ALOXE3: variants seen among roughly 807,000 people sequenced by gnomAD.
The protein encoded by ALOXE3 is hydroperoxide isomerase ALOXE3.
ALOXE3 carries 78 observed loss-of-function variants against 87.5 expected under a neutral mutation model. That is an observed-to-expected ratio of 0.89 (90% confidence interval 0.74 to 1.08). ALOXE3 has a LOEUF of 1.08. Ranked by LOEUF, ALOXE3 falls within the 50% of genes least tolerant of loss-of-function variation. The pLI, the probability that ALOXE3 is intolerant of heterozygous loss-of-function variation, is 0.00. For missense variants in ALOXE3, 946 were observed against 912.4 expected, an observed-to-expected ratio of 1.04 and a Z score of -0.47; for synonymous variants, 363 against 370.8, an observed-to-expected ratio of 0.98 and a Z score of 0.24.
rs552547223 is a variant in ALOXE3, at chr17:8,103,313, G to A, written c.1956+10C>T. ...AGAACCCTACTCCCCTCAACATCCC[G>A]TATACACACCTGGTCCTTGGGTTCT... On this transcript the variant is annotated intron_variant, in intron 15 of 15. Coordinates refer to ENST00000448843, the MANE Select transcript of ALOXE3 (RefSeq NM_021628.3). The A allele has an allele frequency of 1.6e-5, 26 of 1,613,122 alleles. No homozygotes were observed. The highest frequency in any genetic ancestry group is 9.9e-5 in the South Asian group (9 of 90,936).
chr17:8,115,022 A>G lies in ALOXE3; in HGVS notation c.470T>C (p.Val157Ala), dbSNP rs1980462590. The G allele has an allele frequency of 6.2e-7, 1 of 1,614,192 alleles. No individual in the cohort carries two copies. The highest frequency in any genetic ancestry group is 1.3e-5 in the African/African-American group (1 of 75,044). The change falls in exon 5 of 16, where the codon GTA becomes GCA. Residue 157 changes from valine to alanine, a missense_variant. Coordinates refer to ENST00000448843, the MANE Select transcript of ALOXE3 (RefSeq NM_021628.3). ...CATCTCCTGAAAGCTGTTGACGTCT[A>G]CCATGCAGGGGAAGCCAGGGGCATA... Reference protein sequence around the residue: ...KIYAPGFPCMVDVNSFQEMES... With the variant: ...KIYAPGFPCMADVNSFQEMES...
At chr17:8,108,801 A>G (rs750370565) in intron 12 of ALOXE3, among the ~76,000 whole-genome samples, 50 of 152,000 alleles carry the variant, frequency 3.3e-4, no homozygotes, top group Non-Finnish European at 4.1e-4. Context: ...CTTCCTGCAC[A>G]GGGGCCTGGG....
Position 8,109,221 on chromosome 17 carries a change from G to T in ALOXE3, c.1515C>A (p.Asn505Lys). The T allele has an allele frequency of 6.2e-7, 1 of 1,614,052 alleles. No individual in the cohort carries two copies. ...TCAGGCCGTCGTCTCGGTAGTGGTA[G>T]TTGGGGATAGCCAGGACGCCGCGGG... Reference protein sequence around the residue: ...LRARGVLAIPNYHYRDDGLKI... With the variant: ...LRARGVLAIPKYHYRDDGLKI... Residue 505 changes from asparagine to lysine, a missense_variant, in exon 12 of 16, where the codon AAC (asparagine) becomes AAA (lysine). Asn to Lys is a moderately conservative substitution (Grantham distance 94, BLOSUM62 0). Transcript: ENST00000448843.
chr17:8,111,815 A>ATGAGGATCAAGATTCCCTAAATGACTG (rs1380408890), intron 7 of ALOXE3, among the ~76,000 whole-genome samples: 2 of 146,726 alleles, frequency 1.4e-5, no homozygotes, highest in East Asian at 3.9e-4. Context: ...TGTGTCCCTG[A>ATGAGGATCAAGATTCCCTAAATGACTG]TGAGGATCAA....
Position 8,103,332 on chromosome 17 carries a change from G to C in ALOXE3, c.1947C>G (p.Pro649=). The C allele has an allele frequency of 6.2e-7, 1 of 1,613,888 alleles. No individual in the cohort carries two copies. The highest frequency in any genetic ancestry group is 8.5e-7 in the Non-Finnish European group (1 of 1,179,910). ...LLLFWLVSQE[P]KDQRPLGTYP... ...CATCCCGTATACACACCTGGTCCTT[G>C]GGTTCTTGGCTAACCAACCAGAAGA... is the stretch of plus-strand genomic sequence containing the variant. The change falls in exon 15 of 16, where the codon CCC becomes CCG. Residue 649 remains proline, a synonymous_variant. Transcript: ENST00000448843.
intron 3 of ALOXE3, among the ~76,000 whole-genome samples, chr17:8,116,106 A>T (rs1980565092): frequency 2.0e-5 from 3 of 152,206 alleles, no homozygotes; most frequent in Admixed American, 1.3e-4. Flanking sequence ...GAGAGTTTAT[A>T]GTGAGGTCTA....
chr17:8,098,006 CA>C (rs1259992618), intron 15 of ALOXE3, among the ~76,000 whole-genome samples: 1 of 152,046 alleles, frequency 6.6e-6, no homozygotes, highest in African/African-American at 2.4e-5. Flanking sequence ...CTCGGCCTCC[CA>C]AAGTGCTGGG....
At chr17:8,097,248 G>A (rs952009264) in intron 15 of ALOXE3, among the ~76,000 whole-genome samples, 2 of 151,980 alleles carry the variant, frequency 1.3e-5, no homozygotes, top group Non-Finnish European at 2.9e-5. Context: ...TCCCACCTTG[G>A]CCTCCCAAAG....
At chr17:8,101,820 G>A (rs1331672299) in intron 15 of ALOXE3, among the ~76,000 whole-genome samples, 1 of 151,924 alleles carries the variant, frequency 6.6e-6, no homozygotes, top group Non-Finnish European at 1.5e-5. Flanking sequence ...TTGTGTTTTG[G>A]GTAGAGACAG....
intron 15 of ALOXE3, among the ~76,000 whole-genome samples, chr17:8,101,771 C>T (rs1251648099): frequency 6.6e-6 from 1 of 152,052 alleles, no homozygotes; most frequent in Non-Finnish European, 1.5e-5. Flanking sequence ...CCCCAAGCAG[C>T]TGGGACCACA....
In ALOXE3 at chr17:8,113,526, C is replaced by G. The variant is rs1297468010; in HGVS notation, c.680+958G>C. ...AAATTAGCCAGGCGTGGTGGTGCATCTCTGTAATCCCAGCTACTCGGGAGG... is the reference window on the plus strand; with the variant it reads ...AAATTAGCCAGGCGTGGTGGTGCATGTCTGTAATCCCAGCTACTCGGGAGG... On this transcript the variant is annotated intron_variant, in intron 6 of 15. Transcript: ENST00000448843. Among the ~76,000 whole-genome samples, 4 of 151,944 alleles carry G rather than the reference C, an allele frequency of 2.6e-5. No homozygotes were observed. The East Asian group carries it at 7.7e-4, about 29-fold the overall frequency.
At chr17:8,107,692 C>T (rs1044198891) in intron 13 of ALOXE3, among the ~76,000 whole-genome samples, 56 of 149,452 alleles carry the variant, frequency 3.7e-4, no homozygotes, top group African/African-American at 1.3e-3. Context: ...CCAGCTACTC[C>T]GGAGGTTGAG....
chr17:8,114,126 G>A (rs1458687149), intron 6 of ALOXE3, among the ~76,000 whole-genome samples: 1 of 152,032 alleles, frequency 6.6e-6, no homozygotes, highest in Non-Finnish European at 1.5e-5. Context: ...CAGGAACGAT[G>A]TCACCTGGGC....
rs886053585 is a variant in ALOXE3, at chr17:8,118,256, G to T, written c.-266C>A. 1 of 1,551,566 alleles carries T rather than the reference G, an allele frequency of 6.4e-7. No individual in the cohort carries two copies. Among genetic ancestry groups the T allele is most frequent in the Non-Finnish European group, 8.7e-7 (1 of 1,147,010 alleles). On this transcript the variant is annotated 5_prime_UTR_variant, in exon 2 of 16. Transcript: ENST00000448843. The stretch of plus-strand genomic sequence containing the variant: ...TGTTTGCTTGCCTCTGACACAGCCG[G>T]TCCCTCTGGCTGGCTCACCCAGATG...
intron 15 of ALOXE3, among the ~76,000 whole-genome samples, chr17:8,098,643 T>C (rs558521879): frequency 1.3e-5 from 2 of 152,286 alleles, no homozygotes; most frequent in East Asian, 1.9e-4. Flanking sequence ...TCAGCACATA[T>C]TGAGATAATT....
At chr17:8,118,673 C>T (rs1404522949), upstream of ALOXE3, 3 of 1,537,318 alleles carry the variant, frequency 2.0e-6, no homozygotes, top group South Asian at 2.4e-5. Flanking sequence ...CCCTCTTTGT[C>T]CCCAGCCTTT....
chr17:8,096,798 C>G lies in ALOXE3; in HGVS notation c.1965G>C (p.Leu655=), dbSNP rs767613511. Reference sequence around the variant, plus strand: ...TGAAGTGCTCATCTGGGTAGGTGCCCAGGGGCCTCTGGGAGGACATCAGGT... The same window carrying G: ...TGAAGTGCTCATCTGGGTAGGTGCCGAGGGGCCTCTGGGAGGACATCAGGT... The part of the protein sequence containing the change: ...VSQEPKDQRP[L]GTYPDEHFTE... Residue 655 remains leucine, a synonymous_variant, in exon 16 of 16, where the codon CTG becomes CTC. Transcript: ENST00000448843. The G allele has an allele frequency of 6.2e-7, 1 of 1,614,010 alleles. No individual in the cohort carries two copies. Among genetic ancestry groups the G allele is most frequent in the Non-Finnish European group, 8.5e-7 (1 of 1,180,028 alleles).
chr17:8,112,994 A>C (rs1568002196), intron 6 of ALOXE3, among the ~76,000 whole-genome samples: 2 of 152,052 alleles, frequency 1.3e-5, no homozygotes, highest in Admixed American at 1.3e-4. Flanking sequence ...ATTATTTTAT[A>C]ATATGGAGAA....
Position 8,111,413 on chromosome 17 carries a change from A to G in ALOXE3, c.903T>C (p.Asn301=), listed in dbSNP as rs758709529. The G allele has an allele frequency of 1.9e-6, 3 of 1,614,052 alleles. No individual in the cohort carries two copies. The highest frequency in any genetic ancestry group is 2.5e-6 in the Non-Finnish European group (3 of 1,180,026). The change falls in exon 8 of 16, where the codon AAT becomes AAC. Residue 301 remains asparagine (N), a synonymous_variant. Coordinates refer to ENST00000448843, the MANE Select transcript of ALOXE3 (RefSeq NM_021628.3). ...GTCCCAGCAAGGGGGCCACCATGTC[A>G]TTGGTGACAGGCAGCTTGCTGGGCA... ...SSLPSKLPVT[N]DMVAPLLGQD... is the part of the protein sequence containing the mutation.
Sources: gnomAD v4.1 joint callset for allele counts (sites outside exome capture counted in the v4.1 genomes callset) on GRCh38, gnomAD v4.1.1 for gene constraint, MANE v1.5 for transcripts, NCBI Gene and HGNC (gene_info 2026-07-23, HGNC 2026-07-21) for gene names.